SNX10: variants seen among roughly 807,000 people sequenced by gnomAD.
SNX10 encodes sorting nexin-10.
SNX10 carries 25 observed loss-of-function variants against 28.5 expected under a neutral mutation model. The ratio of observed to expected loss-of-function variants is 0.88; its 90% CI spans 0.64 to 1.22. SNX10 has a LOEUF of 1.22. Among genes scored for constraint, SNX10 ranks in the 50% most tolerant of loss-of-function variants. The pLI, the probability that SNX10 is intolerant of heterozygous loss-of-function variation, is 0.00. For synonymous variants in SNX10, 62 were observed against 81.4 expected (o/e 0.76, Z 1.28); for missense variants, 223 against 242.6 (o/e 0.92, Z 0.54).
chr7:26,368,931 T>A (rs1789399712), intron 5 of SNX10, among the ~76,000 whole-genome samples: 1 of 152,162 alleles, frequency 6.6e-6, no homozygotes, highest in Non-Finnish European at 1.5e-5. Context: ...TTAGTTAGGA[T>A]GAAATGATTT....
chr7:26,337,779 C>T (rs1787993938), intron 1 of SNX10, among the ~76,000 whole-genome samples: 1 of 152,186 alleles, frequency 6.6e-6, no homozygotes, highest in Admixed American at 6.5e-5. Flanking sequence ...GATGTGGACC[C>T]ACAAATAGCT....
chr7:26,335,803 G>T (rs1439575317), intron 1 of SNX10, among the ~76,000 whole-genome samples: 2 of 140,540 alleles, frequency 1.4e-5, no homozygotes, highest in Admixed American at 1.5e-4. Flanking sequence ...GAGTGCTGTG[G>T]CGCGATCTCC....
chr7:26,368,162 C>T (rs766483060), intron 5 of SNX10, among the ~76,000 whole-genome samples: 11 of 152,092 alleles, frequency 7.2e-5, no homozygotes, highest in Non-Finnish European at 1.6e-4. Context: ...GTTTTAGTCT[C>T]AGTACTAAAA....
chr7:26,316,105 A>G (rs2127999043), intron 1 of SNX10, among the ~76,000 whole-genome samples: 1 of 149,498 alleles, frequency 6.7e-6, no homozygotes, highest in Middle Eastern at 3.5e-3. Flanking sequence ...AATGGCGTGA[A>G]CCCCAGAGGC....
At chr7:26,311,038 G>A (rs991554385) in intron 1 of SNX10, among the ~76,000 whole-genome samples, 1 of 152,204 alleles carries the variant, frequency 6.6e-6, no homozygotes, top group South Asian at 2.1e-4. Flanking sequence ...GGAGTGTACA[G>A]AAGAGCTTGG....
At chr7:26,331,740 C>T (rs1787757431) in intron 1 of SNX10, among the ~76,000 whole-genome samples, 1 of 149,608 alleles carries the variant, frequency 6.7e-6, no homozygotes, top group African/African-American at 2.5e-5. Context: ...GGCTGTCTCT[C>T]CCCTACCCAC....
At chr7:26,369,888 C>A (rs1789446279) in intron 5 of SNX10, among the ~76,000 whole-genome samples, 3 of 152,164 alleles carry the variant, frequency 2.0e-5, no homozygotes, top group Admixed American at 1.3e-4. Flanking sequence ...TGTTAAGTTA[C>A]TAGCAAGTTA....
chr7:26,331,943 A>T (rs915893514), intron 1 of SNX10, among the ~76,000 whole-genome samples: 1 of 152,204 alleles, frequency 6.6e-6, no homozygotes, highest in African/African-American at 2.4e-5. Flanking sequence ...TCAGAACTTC[A>T]TTCCTTTATA....
chr7:26,370,809 T>C (rs1173866039), intron 5 of SNX10: 1 of 152,216 alleles, frequency 6.6e-6, no homozygotes, highest in African/African-American at 2.4e-5. Context: ...AAAATTCTAC[T>C]TGGGTTTTAG....
Position 26,373,701 on chromosome 7 carries a change from T to C in SNX10, c.*1129T>C, listed in dbSNP as rs1274482642. On this transcript the variant is annotated 3_prime_UTR_variant, in exon 7 of 7. Coordinates refer to ENST00000338523, the MANE Select transcript of SNX10 (RefSeq NM_013322.3). The surrounding 1 kb of genome is among the most constrained non-coding windows in gnomAD (Gnocchi z 4.2). ...CCCAAGTTTCATCCATGTTGAATGG[T>C]ACAAAATATTTCTGTGAAACTAACA... The C allele has an allele frequency of 9.9e-5, 15 of 152,068 alleles. No homozygotes were observed. The highest frequency in any genetic ancestry group is 9.8e-4 in the Admixed American group (15 of 15,276). The allele number at this position is 152,068 out of a possible 1,614,324, so 9.4% of individuals were successfully genotyped here.
chr7:26,308,696 C>A (rs2127996486), intron 1 of SNX10, among the ~76,000 whole-genome samples: 1 of 152,256 alleles, frequency 6.6e-6, no homozygotes, highest in Middle Eastern at 3.4e-3. Flanking sequence ...GCCGCTCTAG[C>A]AAATTAATCA....
intron 1 of SNX10, among the ~76,000 whole-genome samples, chr7:26,316,408 C>T (rs532150028): frequency 2.8e-4 from 42 of 152,186 alleles, no homozygotes; most frequent in African/African-American, 9.6e-4. Flanking sequence ...AATGGGTTTG[C>T]CTTGCATTAA....
At chr7:26,302,951 A>G (rs993178788) in intron 1 of SNX10, among the ~76,000 whole-genome samples, 4 of 147,264 alleles carry the variant, frequency 2.7e-5, no homozygotes, top group Admixed American at 2.0e-4. Flanking sequence ...ATCTAAAAAC[A>G]AAAACAAAAA....
chr7:26,343,920 C>A (rs1788273688), intron 1 of SNX10, among the ~76,000 whole-genome samples: 1 of 152,116 alleles, frequency 6.6e-6, no homozygotes, highest in South Asian at 2.1e-4. Context: ...CTCAGTAAAC[C>A]CTCTCCACCC....
At chr7:26,371,782 C>A in intron 5 of SNX10, 39 bp from the exon 6 acceptor site, 1 of 1,421,820 alleles carries the variant, frequency 7.0e-7, no homozygotes, top group African/African-American at 1.4e-5. Flanking sequence ...CACTGACCAT[C>A]CTGTTCACCA....
intron 2 of SNX10, chr7:26,354,257 T>C (rs1287474938): frequency 2.0e-5 from 3 of 152,234 alleles, no homozygotes; most frequent in African/African-American, 7.2e-5. Context: ...TCTTTCTACG[T>C]GCTTGTTTGC....
rs1217075421 is a variant in SNX10, at chr7:26,364,750, C to T, written c.212+115C>T. On this transcript the variant is annotated intron_variant, in intron 4 of 6. Coordinates refer to ENST00000338523, the MANE Select transcript of SNX10 (RefSeq NM_013322.3). The surrounding 1 kb of genome is among the most constrained non-coding windows in gnomAD (Gnocchi z 4.9). ...TTTTTATAGGCTTTTGCCTTGATTA[C>T]AATATGTAGCTTTAGTTTCTTAGCT... The T allele has an allele frequency of 3.0e-5, 22 of 726,888 alleles. No individual in the cohort carries two copies. In the South Asian group the frequency reaches 4.3e-4, roughly 14 times the overall value. The allele number at this position is 726,888 out of a possible 1,614,324, so 45.0% of individuals were successfully genotyped here. A position where few individuals can be genotyped will look rare whatever the true frequency, so the allele number is the denominator to read the frequency against.
intron 2 of SNX10, among the ~76,000 whole-genome samples, chr7:26,354,930 T>C (rs915841721): frequency 2.0e-5 from 3 of 150,560 alleles, no homozygotes; most frequent in African/African-American, 7.5e-5. Flanking sequence ...TTTTTTTTTT[T>C]TCTAAAAGTT....
At chr7:26,345,410 C>T (rs1001991036) in intron 1 of SNX10, among the ~76,000 whole-genome samples, 2 of 152,174 alleles carry the variant, frequency 1.3e-5, no homozygotes, top group African/African-American at 4.8e-5. Flanking sequence ...CATTCCCTCT[C>T]CATGGGTCCT....
Sources: gnomAD v4.1 joint callset for allele counts (sites outside exome capture counted in the v4.1 genomes callset) on GRCh38, gnomAD v4.1.1 for gene constraint, Gnocchi (gnomAD v3.1) non-coding constraint, MANE v1.5 for transcripts, NCBI Gene and HGNC (gene_info 2026-07-23, HGNC 2026-07-21) for gene names.